Variants in CEP83 observed in about 807,000 individuals in gnomAD.
CEP83 encodes the protein centrosomal protein of 83 kDa.
CEP83 carries 70 observed loss-of-function variants against 101.9 expected under a neutral mutation model. The observed-to-expected ratio is 0.69, with a 90% CI of 0.57 to 0.84. The LOEUF (loss-of-function observed/expected upper bound fraction) is 0.84. CEP83 is among the 40% of genes least tolerant of loss of function. CEP83 has a pLI of 0.00. For missense variants in CEP83, 715 were observed against 787.2 expected (o/e 0.91, Z 1.10); for synonymous variants, 264 against 267.9 (o/e 0.99, Z 0.14).
chr12:94,312,454 T>A, intron 15 of CEP83: 1 of 386,938 alleles, frequency 2.6e-6, no homozygotes, highest in Non-Finnish European at 3.5e-6. Context: ...CAACTTAATA[T>A]GACAAATCTC....
chr12:94,437,965 C>A (rs567241454), intron 1 of CEP83, among the ~76,000 whole-genome samples: 1 of 152,188 alleles, frequency 6.6e-6, no homozygotes, highest in Admixed American at 6.5e-5. Flanking sequence ...ACCTGTAATC[C>A]CAGCACTTTG....
At chr12:94,314,788 T>C (rs984963984) in intron 14 of CEP83, among the ~76,000 whole-genome samples, 8 of 152,230 alleles carry the variant, frequency 5.3e-5, no homozygotes, top group Admixed American at 4.6e-4. Context: ...TAAGTATTTA[T>C]TTATGAATTT....
chr12:94,347,706 T>C (rs1285565745), intron 11 of CEP83, among the ~76,000 whole-genome samples: 2 of 152,134 alleles, frequency 1.3e-5, no homozygotes, highest in Non-Finnish European at 2.9e-5. Flanking sequence ...GTTTATACAA[T>C]GAATACTAAT....
chr12:94,431,307 G>C (rs908749494), intron 2 of CEP83, among the ~76,000 whole-genome samples: 2 of 152,088 alleles, frequency 1.3e-5, no homozygotes, highest in African/African-American at 4.8e-5. Context: ...ATGGATCAAA[G>C]ATACAAACGT....
intron 2 of CEP83, among the ~76,000 whole-genome samples, chr12:94,434,445 A>G (rs2065858635): frequency 6.6e-6 from 1 of 152,236 alleles, no homozygotes; most frequent in South Asian, 2.1e-4. Flanking sequence ...AATATTTTTT[A>G]CAGCAGAGAC....
At chr12:94,423,766 T>C (rs1017626849) in intron 2 of CEP83, 11 of 1,613,378 alleles carry the variant, frequency 6.8e-6, no homozygotes, top group Admixed American at 1.7e-5. Context: ...CTGGAAAGAA[T>C]AGACCCCATG....
At chr12:94,283,591 C>T in the CEP83 span, among the ~76,000 whole-genome samples, 2 of 152,162 alleles carry the variant, frequency 1.3e-5, no homozygotes, top group African/African-American at 4.8e-5. Context: ...TCTCCCTGAG[C>T]GTTCAGGGAT....
intron 12 of CEP83, among the ~76,000 whole-genome samples, chr12:94,335,195 T>C (rs2059398637): frequency 6.6e-6 from 1 of 152,150 alleles, no homozygotes; most frequent in African/African-American, 2.4e-5. Flanking sequence ...TTGGATTTCA[T>C]AGGGATATAG....
At chr12:94,341,133 G>T (rs2059666733) in intron 11 of CEP83, among the ~76,000 whole-genome samples, 1 of 152,070 alleles carries the variant, frequency 6.6e-6, no homozygotes, top group Non-Finnish European at 1.5e-5. Flanking sequence ...GTGCAGCGGA[G>T]CAGCCTTTTG....
At chr12:94,395,351 T>C (rs2062819571) in intron 6 of CEP83, among the ~76,000 whole-genome samples, 1 of 145,428 alleles carries the variant, frequency 6.9e-6, no homozygotes, top group Admixed American at 7.0e-5. Context: ...AAATCAGACA[T>C]ATGAAAAAGT....
chr12:94,401,024 C>T lies in CEP83; in HGVS notation c.418-43G>A, dbSNP rs747247640. On this transcript the variant is annotated intron_variant, in intron 5 of 16. Coordinates refer to ENST00000397809, the MANE Select transcript of CEP83 (RefSeq NM_016122.3). ...TTATCATAGATTTATAAACAAAATT[C>T]GTACTCACTCCAATAGTCACTTTTA... The T allele has an allele frequency of 4.5e-5, 52 of 1,146,794 alleles. No individual in the cohort carries two copies. The South Asian group carries it at 6.7e-4, about 15-fold the overall frequency. 71.0% of individuals were successfully genotyped at this position (1,146,794 alleles called of 1,614,324 possible).
At chr12:94,449,526 CAGG>C (rs2067072192) in intron 1 of CEP83, among the ~76,000 whole-genome samples, 1 of 150,144 alleles carries the variant, frequency 6.7e-6, no homozygotes, top group Non-Finnish European at 1.5e-5. Context: ...GGAGGCCACG[CAGG>C]TAAATCGCTT....
At chr12:94,282,519 G>A in the CEP83 span, 23 of 699,130 alleles carry the variant, frequency 3.3e-5, no homozygotes, top group East Asian at 1.3e-4. Context: ...CAGATCGATC[G>A]TGTCTGGGGC....
At chr12:94,426,129 A>C (rs142836096) in intron 2 of CEP83, among the ~76,000 whole-genome samples, 4,597 of 152,134 alleles carry the variant, frequency 0.03, 90 homozygotes, top group Non-Finnish European at 0.047. Flanking sequence ...CTCAAAAAAA[A>C]AAAAAAGAAA....
intron 1 of CEP83, among the ~76,000 whole-genome samples, chr12:94,453,251 A>G (rs1413420721): frequency 1.3e-5 from 2 of 152,174 alleles, no homozygotes; most frequent in Non-Finnish European, 1.5e-5. Context: ...TATACCTGGT[A>G]TTTCAACTAC....
chr12:94,272,812 G>C, the CEP83 span, among the ~76,000 whole-genome samples: 4 of 152,208 alleles, frequency 2.6e-5, no homozygotes, highest in Admixed American at 6.5e-5. Flanking sequence ...GGAGGCACAG[G>C]GTGCTCCAGA....
intron 14 of CEP83, among the ~76,000 whole-genome samples, chr12:94,324,035 C>T (rs189637201): frequency 1.3e-5 from 2 of 152,282 alleles, no homozygotes; most frequent in Non-Finnish European, 2.9e-5. Flanking sequence ...AACCTAAATG[C>T]TCATGCTATA....
At chr12:94,438,888 A>G (rs2066193469) in intron 1 of CEP83, among the ~76,000 whole-genome samples, 1 of 152,226 alleles carries the variant, frequency 6.6e-6, no homozygotes, top group Non-Finnish European at 1.5e-5. Flanking sequence ...AACTATACAA[A>G]TATATGGAAA....
intron 8 of CEP83, 135 bp from the exon 9 acceptor site, chr12:94,370,171 T>C (rs1488177798): frequency 5.0e-6 from 3 of 598,488 alleles, no homozygotes; most frequent in East Asian, 5.5e-5. Context: ...AAGAAAGAAG[T>C]GTCAGTGCCT....
Sources: allele counts gnomAD v4.1 joint callset (sites outside exome capture counted in the v4.1 genomes callset), GRCh38; gene constraint gnomAD v4.1.1; transcripts MANE v1.5; gene names NCBI Gene and HGNC (gene_info 2026-07-23, HGNC 2026-07-21).